The following ZNF385D variants were observed in gnomAD, a reference collection of about 807,000 sequenced individuals.
ZNF385D encodes zinc finger protein 659.
Under a neutral mutation model 35.8 loss-of-function variants are expected in ZNF385D, and 15 were observed. That is an observed-to-expected ratio of 0.42 (90% CI 0.28 to 0.64). The LOEUF (loss-of-function observed/expected upper bound fraction) is 0.64, where lower values mean the gene tolerates loss of function less well. ZNF385D is among the 30% of genes least tolerant of loss of function. The pLI, the probability that ZNF385D is intolerant of heterozygous loss-of-function variation, is 0.23. For synonymous variants in ZNF385D, 212 were observed against 186.8 expected (o/e 1.13, Z -1.10); for missense variants, 474 against 494.6 (o/e 0.96, Z 0.39).
chr3:21,906,121 T>C (rs914907499), intron 3 of ZNF385D, among the ~76,000 whole-genome samples: 5 of 152,188 alleles, frequency 3.3e-5, no homozygotes, highest in African/African-American at 4.8e-5. Context: ...ACACAACATT[T>C]TGCAAGGCTA....
chr3:22,368,006 G>A (rs1411294630), intron 2 of ZNF385D, among the ~76,000 whole-genome samples: 1 of 152,148 alleles, frequency 6.6e-6, no homozygotes, highest in Non-Finnish European at 1.5e-5. Context: ...TACATAACTT[G>A]CAAGGAAGGA....
chr3:21,713,524 C>A lies in ZNF385D; in HGVS notation c.22+37371G>T, dbSNP rs114218959. Among the ~76,000 whole-genome samples the A allele has an allele frequency of 4.2e-3, 642 of 152,248 alleles. 4 individuals are homozygous for A. The highest frequency in any genetic ancestry group is 5.8e-3 in the Admixed American group (89 of 15,302). On this transcript the variant is annotated intron_variant, in intron 1 of 7. Coordinates refer to ENST00000281523, the MANE Select transcript of ZNF385D (RefSeq NM_024697.3). ...CTTCCCTCCTTCTCTCTCCTAGCTT[C>A]AAATTTCATATCCTCCAAACAATCA...
intron 2 of ZNF385D, among the ~76,000 whole-genome samples, chr3:22,341,177 GAGT>G (rs1407042662): frequency 5.3e-5 from 8 of 152,120 alleles, no homozygotes; most frequent in African/African-American, 1.4e-4. Context: ...TACAAAAAAC[GAGT>G]AGATTATATT....
At chr3:22,332,904 CTT>C in intron 2 of ZNF385D, among the ~76,000 whole-genome samples, 1 of 144,616 alleles carries the variant, frequency 6.9e-6, no homozygotes, top group Admixed American at 6.9e-5. Flanking sequence ...ATTACTTTTC[CTT>C]TTTTTTTTTT....
chr3:22,314,599 C>T (rs768384067), intron 2 of ZNF385D, among the ~76,000 whole-genome samples: 8 of 152,144 alleles, frequency 5.3e-5, no homozygotes, highest in Middle Eastern at 3.4e-3. Flanking sequence ...GATTGTTTCA[C>T]GTAGGGTTGA....
chr3:21,848,064 A>C (rs1207291208), intron 3 of ZNF385D, among the ~76,000 whole-genome samples: 2 of 152,030 alleles, frequency 1.3e-5, no homozygotes, highest in Non-Finnish European at 2.9e-5. Flanking sequence ...ACCTTATATA[A>C]GTGAATTATT....
intron 2 of ZNF385D, among the ~76,000 whole-genome samples, chr3:21,614,435 CAT>C (rs1278741168): frequency 6.6e-6 from 1 of 152,186 alleles, no homozygotes; most frequent in Non-Finnish European, 1.5e-5. Context: ...TCACATTCAA[CAT>C]AGAGATTTTG....
At chr3:21,636,764 C>T (rs1053359656) in intron 2 of ZNF385D, among the ~76,000 whole-genome samples, 11 of 151,900 alleles carry the variant, frequency 7.2e-5, no homozygotes, top group African/African-American at 2.7e-4. Context: ...TACTTTACAT[C>T]TTTCAATCCA....
intron 3 of ZNF385D, among the ~76,000 whole-genome samples, chr3:22,083,788 A>T (rs1432006495): frequency 3.9e-5 from 6 of 152,196 alleles, no homozygotes; most frequent in African/African-American, 1.4e-4. Flanking sequence ...TGTCAGATTC[A>T]CCAGGGTTGA....
chr3:22,077,164 G>C (rs550314758), intron 3 of ZNF385D, among the ~76,000 whole-genome samples: 1 of 152,012 alleles, frequency 6.6e-6, no homozygotes, highest in African/African-American at 2.4e-5. Flanking sequence ...TATTGCTATA[G>C]TTCAGTATTG....
At chr3:22,083,458 C>G (rs921206357) in intron 3 of ZNF385D, among the ~76,000 whole-genome samples, 4 of 151,956 alleles carry the variant, frequency 2.6e-5, no homozygotes, top group Non-Finnish European at 4.4e-5. Context: ...GTAGCTGATT[C>G]GATCAACTGG....
chr3:22,234,458 G>C (rs1294676473), intron 2 of ZNF385D, among the ~76,000 whole-genome samples: 2 of 151,952 alleles, frequency 1.3e-5, no homozygotes, highest in Non-Finnish European at 2.9e-5. Context: ...GTCTAGAAGA[G>C]TCAGCATTCC....
At chr3:22,079,569 CA>C (rs1442679776) in intron 3 of ZNF385D, among the ~76,000 whole-genome samples, 1 of 151,846 alleles carries the variant, frequency 6.6e-6, no homozygotes, top group Admixed American at 6.6e-5. Context: ...CACCATTTCG[CA>C]AAGCAGGTCA....
chr3:22,262,131 C>T (rs1700664479), intron 2 of ZNF385D, among the ~76,000 whole-genome samples: 1 of 151,612 alleles, frequency 6.6e-6, no homozygotes, highest in Non-Finnish European at 1.5e-5. Flanking sequence ...TTAATGTTAT[C>T]ATCATTTTTC....
chr3:21,528,046 T>C (rs1708333511), intron 3 of ZNF385D, among the ~76,000 whole-genome samples: 2 of 152,250 alleles, frequency 1.3e-5, no homozygotes, highest in African/African-American at 4.8e-5. Flanking sequence ...CTTCCCAAGG[T>C]CCACAAGTAG....
At chr3:21,948,584 C>G (rs1392983317) in intron 3 of ZNF385D, among the ~76,000 whole-genome samples, 1 of 151,960 alleles carries the variant, frequency 6.6e-6, no homozygotes, top group African/African-American at 2.4e-5. Flanking sequence ...GTGAAAAATA[C>G]CAGATTTCTA....
At position 22,046,572 on chromosome 3, in the gene ZNF385D, A is replaced by G. The variant is rs141002474; in HGVS notation, c.325+122245T>C. Among the ~76,000 whole-genome samples, 13 of 152,280 alleles carry G rather than the reference A, an allele frequency of 8.5e-5. No individual in the cohort carries two copies. In the East Asian group the frequency reaches 2.3e-3, roughly 27 times the overall value. ...AATTTTCTTGTCTTCTTCCACTAAT[A>G]TTAATGAAGCATCATTTTTTTCCTT... On this transcript the variant is annotated intron_variant, in intron 3 of 5. Transcript: ENST00000494108.
intron 3 of ZNF385D, among the ~76,000 whole-genome samples, chr3:21,992,063 T>A (rs1695183740): frequency 6.6e-6 from 1 of 152,174 alleles, no homozygotes; most frequent in Admixed American, 6.5e-5. Context: ...CTTATGTAGT[T>A]GCTGTGAGAA....
intron 2 of ZNF385D, among the ~76,000 whole-genome samples, chr3:21,617,071 C>T (rs987355845): frequency 6.6e-6 from 1 of 152,156 alleles, no homozygotes; most frequent in Non-Finnish European, 1.5e-5. Flanking sequence ...TTTGAGCAAT[C>T]TCCTCTCTGT....
Sources: gnomAD v4.1 joint callset for allele counts (sites outside exome capture counted in the v4.1 genomes callset) on GRCh38, gnomAD v4.1.1 for gene constraint, MANE v1.5 for transcripts, NCBI Gene and HGNC (gene_info 2026-07-23, HGNC 2026-07-21) for gene names.